SLC35F1: variants seen among roughly 807,000 people sequenced by gnomAD.
The protein encoded by SLC35F1 is solute carrier family 35 member F1, also known as chromosome 6 open reading frame 169.
In SLC35F1, 14 loss-of-function variants were observed where a neutral mutation model predicts 48.7. That is an observed-to-expected ratio of 0.29 (90% confidence interval 0.19 to 0.45). The LOEUF is 0.45. Among genes scored for constraint, SLC35F1 ranks in the 20% least tolerant of loss-of-function variants. SLC35F1 has a pLI of 1.00. For missense variants in SLC35F1, 404 were observed against 500.0 expected, an observed-to-expected ratio of 0.81 and a Z score of 1.83; for synonymous variants, 190 against 202.2, an observed-to-expected ratio of 0.94 and a Z score of 0.51.
intron 1 of SLC35F1, among the ~76,000 whole-genome samples, chr6:117,979,220 CA>C (rs1400137514): frequency 1.3e-5 from 2 of 152,242 alleles, no homozygotes; most frequent in African/African-American, 2.4e-5. Flanking sequence ...CCTCCTGTGT[CA>C]AAAAAGCTTC....
intron 1 of SLC35F1, among the ~76,000 whole-genome samples, chr6:117,929,490 T>TAG (rs1245384766): frequency 7.3e-5 from 11 of 150,108 alleles, no homozygotes; most frequent in South Asian, 2.1e-4. Flanking sequence ...TGTGTGTGTA[T>TAG]AGAGAGAGAG....
chr6:118,000,546 G>T (rs560022346), intron 1 of SLC35F1, among the ~76,000 whole-genome samples: 1 of 152,238 alleles, frequency 6.6e-6, no homozygotes, highest in African/African-American at 2.4e-5. Context: ...CACAAGACAG[G>T]GATTCCCTCT....
chr6:117,951,036 T>G (rs1776357225), intron 1 of SLC35F1, among the ~76,000 whole-genome samples: 1 of 152,236 alleles, frequency 6.6e-6, no homozygotes, highest in Admixed American at 6.5e-5. Flanking sequence ...TATTCACTTA[T>G]GTCTAGATGT....
At chr6:118,311,707 CA>C (rs1183087577) in intron 7 of SLC35F1, among the ~76,000 whole-genome samples, 2 of 152,154 alleles carry the variant, frequency 1.3e-5, no homozygotes, top group Non-Finnish European at 2.9e-5. Context: ...GGGAGGATCA[CA>C]TGATTCTGGA....
chr6:117,999,486 A>T (rs1436912871), intron 1 of SLC35F1: 11 of 1,455,808 alleles, frequency 7.6e-6, no homozygotes, highest in Non-Finnish European at 1.0e-5. Context: ...GACTGGTGCG[A>T]CCCCCCACCC....
At chr6:118,175,455 T>C (rs552195357) in intron 2 of SLC35F1, among the ~76,000 whole-genome samples, 17 of 152,108 alleles carry the variant, frequency 1.1e-4, no homozygotes, top group Non-Finnish European at 2.1e-4. Context: ...ATCAGAAACT[T>C]TGTAATCAAA....
intron 1 of SLC35F1, among the ~76,000 whole-genome samples, chr6:117,920,090 G>A (rs1166257690): frequency 6.6e-6 from 1 of 152,218 alleles, no homozygotes; most frequent in East Asian, 1.9e-4. Context: ...CGGGTTCCCG[G>A]GGCTGGCTGG....
At chr6:117,953,983 G>A (rs1412668612) in intron 1 of SLC35F1, among the ~76,000 whole-genome samples, 7 of 152,192 alleles carry the variant, frequency 4.6e-5, no homozygotes, top group African/African-American at 1.4e-4. Flanking sequence ...CCAGGGTCCC[G>A]TGGATGAAGA....
At chr6:118,053,230 G>A (rs1772415812) in intron 1 of SLC35F1, among the ~76,000 whole-genome samples, 1 of 152,164 alleles carries the variant, frequency 6.6e-6, no homozygotes, top group Non-Finnish European at 1.5e-5. Context: ...ACTCCAAACA[G>A]AGGATGTGTT....
intron 3 of SLC35F1, among the ~76,000 whole-genome samples, chr6:118,263,061 T>C (rs937279285): frequency 6.6e-6 from 1 of 152,158 alleles, no homozygotes; most frequent in Non-Finnish European, 1.5e-5. Flanking sequence ...TTTTGTTCTG[T>C]TTTGTTTTGT....
intron 1 of SLC35F1, among the ~76,000 whole-genome samples, chr6:117,934,548 G>A (rs1192595034): frequency 6.6e-6 from 1 of 152,012 alleles, no homozygotes; most frequent in Non-Finnish European, 1.5e-5. Context: ...ATGAATTCTG[G>A]TCTCAATAAA....
chr6:117,955,762 C>T (rs1320834452), intron 1 of SLC35F1, among the ~76,000 whole-genome samples: 5 of 152,206 alleles, frequency 3.3e-5, no homozygotes, highest in African/African-American at 1.2e-4. Flanking sequence ...CACTTTTTCT[C>T]ATGCATGCCT....
intron 1 of SLC35F1, among the ~76,000 whole-genome samples, chr6:118,132,187 ACTTTATAGCC>A (rs562565435): frequency 6.6e-5 from 10 of 152,274 alleles, no homozygotes; most frequent in African/African-American, 9.6e-5. Context: ...ATCTCATGTC[ACTTTATAGCC>A]CTTTGGATCT....
chr6:117,944,002 T>G (rs1776264376), intron 1 of SLC35F1, among the ~76,000 whole-genome samples: 2 of 152,182 alleles, frequency 1.3e-5, no homozygotes, highest in African/African-American at 4.8e-5. Flanking sequence ...GATCTTTTCA[T>G]GGGGAATGTG....
chr6:118,265,169 G>T (rs558575665), intron 3 of SLC35F1, among the ~76,000 whole-genome samples: 1 of 152,226 alleles, frequency 6.6e-6, no homozygotes, highest in Non-Finnish European at 1.5e-5. Flanking sequence ...AAGCTTTGGG[G>T]ATAGAGGGGA....
At chr6:118,054,353 C>G (rs150077871) in intron 1 of SLC35F1, among the ~76,000 whole-genome samples, 2 of 151,840 alleles carry the variant, frequency 1.3e-5, no homozygotes, top group Non-Finnish European at 2.9e-5. Context: ...GTCCATTGTG[C>G]GAATGGAAAT....
chr6:118,125,797 CATATTTA>C lies in SLC35F1; in HGVS notation c.174-28643_174-28637del, dbSNP rs370316940. On this transcript the variant is annotated intron_variant, in intron 1 of 7. Transcript: ENST00000360388. Reference sequence around the variant, plus strand: ...ATTTGATGAGATGTTGGAGAAAAGGCATATTTAATATGTGACCTCATTGATACCATTC... The same window carrying C: ...ATTTGATGAGATGTTGGAGAAAAGGCATATGTGACCTCATTGATACCATTC... Among the ~76,000 whole-genome samples, 59 of 152,268 alleles carry C rather than the reference CATATTTA, an allele frequency of 3.9e-4. 2 individuals are homozygous for C. In the South Asian group the frequency reaches 8.1e-3, roughly 21 times the overall value.
At chr6:117,996,366 A>G (rs899012607) in intron 1 of SLC35F1, among the ~76,000 whole-genome samples, 1 of 152,228 alleles carries the variant, frequency 6.6e-6, no homozygotes, top group Non-Finnish European at 1.5e-5. Context: ...TACAGCTCCC[A>G]GCCTGAGTGA....
At chr6:117,926,848 T>C (rs1157514807) in intron 1 of SLC35F1, among the ~76,000 whole-genome samples, 1 of 151,984 alleles carries the variant, frequency 6.6e-6, no homozygotes, top group Non-Finnish European at 1.5e-5. Flanking sequence ...GTATAAACAG[T>C]GAATTTGAGT....
Sources: gnomAD v4.1 joint callset for allele counts (sites outside exome capture counted in the v4.1 genomes callset) on GRCh38, gnomAD v4.1.1 for gene constraint, MANE v1.5 for transcripts, NCBI Gene and HGNC (gene_info 2026-07-23, HGNC 2026-07-21) for gene names.